ACTN4: variants seen among roughly 807,000 people sequenced by gnomAD.
ACTN4 encodes the protein alpha-actinin-4.
Under a neutral mutation model 114.2 loss-of-function variants are expected in ACTN4, and 18 were observed. That is an observed-to-expected ratio of 0.16 (90% confidence interval 0.11 to 0.23). ACTN4 has a LOEUF of 0.23. ACTN4 is among the 10% of genes least tolerant of loss of function. ACTN4 has a pLI of 1.00. For synonymous variants in ACTN4, 515 were observed against 506.3 expected (o/e 1.02, Z -0.23); for missense variants, 722 against 1,262.9 (o/e 0.57, Z 6.49).
At chr19:38,702,378 A>C (rs565494985) in intron 3 of ACTN4, among the ~76,000 whole-genome samples, 2 of 152,008 alleles carry the variant, frequency 1.3e-5, no homozygotes, top group South Asian at 4.1e-4. Flanking sequence ...CTGTCCTTCC[A>C]CATGATTGGG....
intron 1 of ACTN4, among the ~76,000 whole-genome samples, chr19:38,691,138 G>A (rs7258742): frequency 0.21 from 32,002 of 152,134 alleles, 3,564 homozygotes; most frequent in Middle Eastern, 0.4. Flanking sequence ...GTGTGAGGCC[G>A]GGTGTGTTGG....
At position 38,729,383 on chromosome 19, in the gene ACTN4, T is replaced by C; in HGVS notation, c.2687T>C (p.Leu896Pro). The change falls in exon 21 of 21, where the codon CTC becomes CCC. Residue 896 changes from leucine to proline, a missense_variant. Leu to Pro is a moderately conservative substitution (Grantham distance 98). Around this residue, in one of 3 missense-constraint regions of ACTN4, gnomAD observed 523 missense variants for 875.9 expected, o/e 0.60. Transcript: ENST00000252699. The stretch of plus-strand genomic sequence containing the variant: ...GGCCCTGACGCCGTGCCCGGTGCCC[T>C]CGACTACAAGTCCTTCTCCACGGCC... ...YQGPDAVPGA[L>P]DYKSFSTALY... 6.2e-7 allele frequency: 1 copy of C among 1,612,776 alleles called. No homozygotes were observed. Among genetic ancestry groups the C allele is most frequent in the Non-Finnish European group, 8.5e-7 (1 of 1,179,958 alleles).
At chr19:38,661,448 C>T (rs900234761) in intron 1 of ACTN4, among the ~76,000 whole-genome samples, 3 of 152,164 alleles carry the variant, frequency 2.0e-5, no homozygotes, top group Non-Finnish European at 4.4e-5. Context: ...TAGTGTGGCT[C>T]TCTTAGGGAG....
chr19:38,727,537 G>A lies in ACTN4; in HGVS notation c.2338-409G>A, dbSNP rs754338250. Among the ~76,000 whole-genome samples, 23 of 151,766 alleles carry A rather than the reference G, an allele frequency of 1.5e-4. No individual in the cohort carries two copies. Among genetic ancestry groups the A allele is most frequent in the Non-Finnish European group, 2.8e-4 (19 of 67,882 alleles). On this transcript the variant is annotated intron_variant, in intron 18 of 20. Transcript: ENST00000252699. This position sits in a 1 kb window ranked among gnomAD's most constrained non-coding sequence, Gnocchi z 5.4. The stretch of plus-strand genomic sequence containing the variant: ...CCCACCCCTGCCGGGCTGACGGACT[G>A]AGAAGTGTGCAGCCTCAGCTCTGCA...
At chr19:38,689,721 TGGA>T (rs1231112368) in intron 1 of ACTN4, among the ~76,000 whole-genome samples, 24 of 152,160 alleles carry the variant, frequency 1.6e-4, no homozygotes, top group Non-Finnish European at 2.9e-4. Flanking sequence ...TTGCCCAGGC[TGGA>T]GTGCAGTGGC....
chr19:38,667,031 C>T (rs1164069124), intron 1 of ACTN4, among the ~76,000 whole-genome samples: 1 of 152,118 alleles, frequency 6.6e-6, no homozygotes, highest in Admixed American at 6.6e-5. Context: ...GTAAATATAT[C>T]TAATTCTTTA....
intron 5 of ACTN4, among the ~76,000 whole-genome samples, chr19:38,707,812 A>G (rs1182831863): frequency 6.6e-6 from 1 of 152,170 alleles, no homozygotes; most frequent in African/African-American, 2.4e-5. Flanking sequence ...TACTCATTTA[A>G]TCCGCACAAC....
chr19:38,682,668 C>T (rs933728082), intron 1 of ACTN4, among the ~76,000 whole-genome samples: 9 of 152,192 alleles, frequency 5.9e-5, no homozygotes, highest in African/African-American at 2.2e-4. Flanking sequence ...TGGCTGTGCT[C>T]CTCCCCCATG....
chr19:38,654,471 A>T (rs1409638924), intron 1 of ACTN4, among the ~76,000 whole-genome samples: 2 of 151,878 alleles, frequency 1.3e-5, no homozygotes, highest in Non-Finnish European at 2.9e-5. Flanking sequence ...CTGAGGCAGG[A>T]TAATCACTCA....
At chr19:38,710,629 G>A (rs1436152951) in intron 8 of ACTN4, among the ~76,000 whole-genome samples, 1 of 152,240 alleles carries the variant, frequency 6.6e-6, no homozygotes. Flanking sequence ...GAAACATACA[G>A]CAGGCCTGTC....
intron 4 of ACTN4, among the ~76,000 whole-genome samples, chr19:38,705,386 C>T (rs1284394052): frequency 2.6e-5 from 4 of 152,172 alleles, no homozygotes; most frequent in Non-Finnish European, 5.9e-5. Flanking sequence ...TTGACATCCC[C>T]ATCCTTGAAA....
chr19:38,677,098 G>C (rs114016659), intron 1 of ACTN4, among the ~76,000 whole-genome samples: 2,150 of 152,120 alleles, frequency 0.014, 58 homozygotes, highest in African/African-American at 0.048. Flanking sequence ...GCCTCAGCTC[G>C]CCACCTACCT....
At chr19:38,713,213 G>T (rs547489227) in intron 8 of ACTN4, among the ~76,000 whole-genome samples, 1 of 152,190 alleles carries the variant, frequency 6.6e-6, no homozygotes, top group Non-Finnish European at 1.5e-5. Flanking sequence ...AAGCGTTCCC[G>T]CCTCGTTCCT....
At chr19:38,698,056 T>A (rs549485261) in intron 1 of ACTN4, among the ~76,000 whole-genome samples, 4 of 150,930 alleles carry the variant, frequency 2.7e-5, no homozygotes, top group East Asian at 3.9e-4. Flanking sequence ...TAAAAGTGAC[T>A]GGGGGTTGCT....
Position 38,731,335 on chromosome 19 carries a change from A to C in ACTN4, c.*1903A>C. ...TGAATGCCACAGGGTGTCACACCCC[A>C]ACTCTGCCCCATCCCGGCAGGGTGA... On this transcript the variant is annotated 3_prime_UTR_variant, in exon 21 of 21. Coordinates refer to ENST00000252699, the MANE Select transcript of ACTN4 (RefSeq NM_004924.6). 1.3e-6 allele frequency: 1 copy of C among 785,754 alleles called. No homozygotes were observed. The highest frequency in any genetic ancestry group is 2.2e-6 in the Non-Finnish European group (1 of 456,028). 48.7% of individuals were successfully genotyped at this position (785,754 alleles called of 1,614,324 possible).
intron 1 of ACTN4, among the ~76,000 whole-genome samples, chr19:38,676,354 G>A (rs553387650): frequency 2.0e-5 from 3 of 152,334 alleles, no homozygotes; most frequent in Non-Finnish European, 4.4e-5. Flanking sequence ...ACTCATCCCC[G>A]ATTATCTCAG....
At position 38,725,919 on chromosome 19, in the gene ACTN4, G is replaced by A. The variant is rs772061924; in HGVS notation, c.2190+16G>A. The A allele has an allele frequency of 1.5e-5, 25 of 1,613,080 alleles. No individual in the cohort carries two copies. Among genetic ancestry groups the A allele is most frequent in the Admixed American group, 6.7e-5 (4 of 60,010 alleles). On this transcript the variant is annotated intron_variant, in intron 17 of 20. Transcript: ENST00000252699. The stretch of plus-strand genomic sequence containing the variant: ...TACCATGGAGGTGCGCGGCTGCCCC[G>A]CCCGCTGGCCTTTCCACCAGCATGG...
intron 1 of ACTN4, among the ~76,000 whole-genome samples, chr19:38,697,078 G>A (rs1968119891): frequency 6.6e-6 from 1 of 152,156 alleles, no homozygotes; most frequent in African/African-American, 2.4e-5. Context: ...GCAGAAGCAA[G>A]ATGTGAATCC....
intron 5 of ACTN4, among the ~76,000 whole-genome samples, chr19:38,707,887 T>C (rs1377546186): frequency 6.6e-6 from 1 of 152,212 alleles, no homozygotes; most frequent in Non-Finnish European, 1.5e-5. Context: ...ATAGCCTGGC[T>C]TACCCGAGGT....
Sources: gnomAD v4.1 joint callset for allele counts (sites outside exome capture counted in the v4.1 genomes callset) on GRCh38, gnomAD v4.1.1 for gene constraint, gnomAD v4.1.1 regional missense constraint, Gnocchi (gnomAD v3.1) non-coding constraint, MANE v1.5 for transcripts, NCBI Gene and HGNC (gene_info 2026-07-23, HGNC 2026-07-21) for gene names.